The following MED21 variants were observed in gnomAD, a reference collection of about 807,000 sequenced individuals.
MED21 encodes the protein mediator of RNA polymerase II transcription subunit 21.
MED21 carries 9 observed loss-of-function variants against 18.2 expected under a neutral mutation model. That is an observed-to-expected ratio of 0.49 (90% CI 0.30 to 0.86). The LOEUF (loss-of-function observed/expected upper bound fraction) is 0.86. MED21 is among the 40% of genes least tolerant of loss of function. The probability of loss-of-function intolerance (pLI) is 0.07; values close to 1 mark genes in which losing one functional copy is unlikely to be tolerated. For synonymous variants in MED21, 73 were observed against 60.5 expected (o/e 1.21, Z -0.96); for missense variants, 150 against 170.9 (o/e 0.88, Z 0.68).
At position 27,030,190 on chromosome 12, in the gene MED21, T is replaced by C. The variant is rs1402796202; in HGVS notation, c.*1729T>C. 1.2e-5 allele frequency: 8 copies of C among 655,248 alleles called. No individual in the cohort carries two copies. The East Asian group carries it at 2.2e-4, about 18-fold the overall frequency. 40.6% of individuals were successfully genotyped at this position (655,248 alleles called of 1,614,324 possible). On this transcript the variant is annotated 3_prime_UTR_variant, in exon 4 of 4. Transcript: ENST00000282892. ...CTCTGTCACCCAAGCTGAAGTGCAG[T>C]TCTGTGATCATGGCTCACTGCAGCT...
intron 1 of MED21, among the ~76,000 whole-genome samples, chr12:27,025,773 A>G (rs934991130): frequency 2.6e-4 from 39 of 152,338 alleles, no homozygotes; most frequent in African/African-American, 8.9e-4. Context: ...GGTGAGAGAA[A>G]TTGGTAGGGA....
chr12:27,029,360 C>T lies in MED21; in HGVS notation c.*899C>T. The T allele has an allele frequency of 3.0e-6, 3 of 985,392 alleles. No individual in the cohort carries two copies. The highest frequency in any genetic ancestry group is 3.6e-6 in the Non-Finnish European group (3 of 829,908). 61.0% of individuals were successfully genotyped at this position (985,392 alleles called of 1,614,324 possible). A position where few individuals can be genotyped will look rare whatever the true frequency, so the allele number is the denominator to read the frequency against. ...ATTGCCAAATAATAATTTGTGTCAG[C>T]ATTTTCAACTATGGTTATTCATCCA... On this transcript the variant is annotated 3_prime_UTR_variant, in exon 4 of 4. Transcript: ENST00000282892.
chr12:27,023,992 A>AACGC (rs1408395399), intron 1 of MED21, among the ~76,000 whole-genome samples: 1 of 152,152 alleles, frequency 6.6e-6, no homozygotes, highest in East Asian at 1.9e-4. Flanking sequence ...AGCACTAAGG[A>AACGC]ACGCATTGCG....
At chr12:27,036,830 T>C (rs1941652716) in intron 2 of MED21, among the ~76,000 whole-genome samples, 1 of 152,248 alleles carries the variant, frequency 6.6e-6, no homozygotes, top group Non-Finnish European at 1.5e-5. Flanking sequence ...CATGCTGTTT[T>C]GGTTACTGTA....
chr12:27,031,605 A>G (rs1305553038), downstream of MED21, among the ~76,000 whole-genome samples: 1 of 151,888 alleles, frequency 6.6e-6, no homozygotes, highest in Non-Finnish European at 1.5e-5. Flanking sequence ...CAGAGAACAA[A>G]TTCCAGATTT....
Position 27,029,857 on chromosome 12 carries a change from C to G in MED21, c.*1396C>G. 7 of 1,006,150 alleles carry G rather than the reference C, an allele frequency of 7.0e-6. No individual in the cohort carries two copies. The highest frequency in any genetic ancestry group is 8.4e-6 in the Non-Finnish European group (7 of 836,244). The allele number at this position is 1,006,150 out of a possible 1,614,324, so 62.3% of individuals were successfully genotyped here. ...GTATTATAAAGGAGTCAAAAAGGTA[C>G]AAAGAGAAAAGGTCAAGACATTTTT... On this transcript the variant is annotated 3_prime_UTR_variant, in exon 4 of 4. Transcript: ENST00000282892.
At position 27,029,900 on chromosome 12, in the gene MED21, A is replaced by G; in HGVS notation, c.*1439A>G. On this transcript the variant is annotated 3_prime_UTR_variant, in exon 4 of 4. Transcript: ENST00000282892. ...ACATTTTTCAAATGAGGGAAAACTA[A>G]CAGGATTTATCACTAGTAAACCTGC... 1 of 729,168 alleles carries G rather than the reference A, an allele frequency of 1.4e-6. No homozygotes were observed. The highest frequency in any genetic ancestry group is 1.7e-6 in the Non-Finnish European group (1 of 596,088). 45.2% of individuals were successfully genotyped at this position (729,168 alleles called of 1,614,324 possible).
Position 27,028,931 on chromosome 12 carries a change from G to T in MED21, c.*470G>T, listed in dbSNP as rs996455136. ...CTGAGCTTTGAGCAAGAAAGTTTTG[G>T]AAATTGTGTTGCTTTTAAGAAATAG... On this transcript the variant is annotated 3_prime_UTR_variant, in exon 4 of 4. Transcript: ENST00000282892. 1.0e-6 allele frequency: 1 copy of T among 985,534 alleles called. No individual in the cohort carries two copies. Among genetic ancestry groups the T allele is most frequent in the Non-Finnish European group, 1.2e-6 (1 of 830,108 alleles). The allele number at this position is 985,534 out of a possible 1,614,324, so 61.0% of individuals were successfully genotyped here. A position where few individuals can be genotyped will look rare whatever the true frequency, so the allele number is the denominator to read the frequency against.
chr12:27,029,907 T>G lies in MED21; in HGVS notation c.*1446T>G, dbSNP rs180981049. 6 of 622,546 alleles carry G rather than the reference T, an allele frequency of 9.6e-6. No individual in the cohort carries two copies. In the East Asian group the frequency reaches 7.0e-4, roughly 72 times the overall value. The allele number at this position is 622,546 out of a possible 1,614,324, so 38.6% of individuals were successfully genotyped here. ...TCAAATGAGGGAAAACTAACAGGAT[T>G]TATCACTAGTAAACCTGCTCTAAAA... On this transcript the variant is annotated 3_prime_UTR_variant, in exon 4 of 4. Coordinates refer to ENST00000282892, the MANE Select transcript of MED21 (RefSeq NM_004264.5).
intron 2 of MED21, among the ~76,000 whole-genome samples, chr12:27,036,637 A>T (rs1408370134): frequency 6.6e-6 from 1 of 152,226 alleles, no homozygotes; most frequent in Non-Finnish European, 1.5e-5. Context: ...GAAGGGATCC[A>T]GTTTCAGCTT....
rs772187197 is a variant in MED21, at chr12:27,028,463, A to T, written c.*2A>T. 1.2e-6 allele frequency: 2 copies of T among 1,612,626 alleles called. No individual in the cohort carries two copies. Among genetic ancestry groups the T allele is most frequent in the South Asian group, 2.2e-5 (2 of 90,938 alleles). On this transcript the variant is annotated 3_prime_UTR_variant, in exon 4 of 4. Coordinates refer to ENST00000282892, the MANE Select transcript of MED21 (RefSeq NM_004264.5). ...AGCCAGTCTCTTCCAGACTCATAGC[A>T]TCAGTGGATACCATGTGGCTGAGAA...
downstream of MED21, among the ~76,000 whole-genome samples, chr12:27,034,790 G>A (rs570049623): frequency 2.8e-3 from 429 of 152,138 alleles, 1 homozygote; most frequent in African/African-American, 9.9e-3. Context: ...CGCGCTTGTC[G>A]CCCGGGCTGG....
chr12:27,025,399 G>C (rs1476632406), intron 1 of MED21, among the ~76,000 whole-genome samples: 1 of 152,224 alleles, frequency 6.6e-6, no homozygotes, highest in African/African-American at 2.4e-5. Context: ...AAAACAGCCT[G>C]AGTTGGAGAT....
intron 1 of MED21, among the ~76,000 whole-genome samples, chr12:27,024,303 TC>T (rs1020677978): frequency 3.7e-4 from 56 of 152,188 alleles, no homozygotes; most frequent in African/African-American, 1.3e-3. Flanking sequence ...GTTTTTTTTT[TC>T]CTCACTGTAA....
At position 27,027,341 on chromosome 12, in the gene MED21, C is replaced by A; in HGVS notation, c.158-6C>A. ...AATATCCTAATCTAGCAGTATCTTT[C>A]TCTAGAGTATGCCCAGCTTTTTGCA... On this transcript the variant is annotated splice_polypyrimidine_tract_variant and splice_region_variant and intron_variant, in intron 2 of 3. Coordinates refer to ENST00000282892, the MANE Select transcript of MED21 (RefSeq NM_004264.5). The A allele has an allele frequency of 1.2e-6, 2 of 1,603,132 alleles. No individual in the cohort carries two copies. Among genetic ancestry groups the A allele is most frequent in the Non-Finnish European group, 1.7e-6 (2 of 1,173,104 alleles).
downstream of MED21, among the ~76,000 whole-genome samples, chr12:27,035,375 A>G (rs919254364): frequency 1.6e-4 from 24 of 151,534 alleles, 1 homozygote; most frequent in South Asian, 2.1e-4. Flanking sequence ...TTACAGTAAC[A>G]GTACCAAAAT....
At chr12:27,023,034 T>A (rs967226789) in intron 1 of MED21, among the ~76,000 whole-genome samples, 1 of 152,258 alleles carries the variant, frequency 6.6e-6, no homozygotes, top group Admixed American at 6.5e-5. Context: ...CCAAGGGAGA[T>A]CTCATGCTCT....
At position 27,023,605 on chromosome 12, in the gene MED21, C is replaced by G. The variant is rs938166168; in HGVS notation, c.42+984C>G. On this transcript the variant is annotated intron_variant, in intron 1 of 3. Transcript: ENST00000282892. ...AGCCACCGTGCCCGGCCTACAAGTC[C>G]TTTTTAATGTCTCCCCCAAATTCTA... Among the ~76,000 whole-genome samples, 16 of 151,992 alleles carry G rather than the reference C, an allele frequency of 1.1e-4. No individual in the cohort carries two copies. The East Asian group carries it at 3.1e-3, about 29-fold the overall frequency.
chr12:27,037,526 A>C (rs1941657173), intron 2 of MED21: 1 of 152,176 alleles, frequency 6.6e-6, no homozygotes, highest in South Asian at 2.1e-4. Flanking sequence ...GCCAGTTTTC[A>C]AAGGGAATGC....
Sources: gnomAD v4.1 joint callset for allele counts (sites outside exome capture counted in the v4.1 genomes callset) on GRCh38, gnomAD v4.1.1 for gene constraint, MANE v1.5 for transcripts, NCBI Gene and HGNC (gene_info 2026-07-23, HGNC 2026-07-21) for gene names.